VSTM2L: variants seen among roughly 807,000 people sequenced by gnomAD.
VSTM2L encodes the protein V-set and transmembrane domain-containing protein 2-like protein.
Under a neutral mutation model 19.9 loss-of-function variants are expected in VSTM2L, and 9 were observed. The ratio of observed to expected loss-of-function variants is 0.45; its 90% confidence interval spans 0.27 to 0.79. VSTM2L has a LOEUF of 0.79. Ranked by LOEUF, VSTM2L falls within the 30% of genes least tolerant of loss-of-function variation. The pLI is 0.15. For missense variants in VSTM2L, 286 were observed against 295.5 expected (o/e 0.97, Z 0.24); for synonymous variants, 127 against 133.8 (o/e 0.95, Z 0.35).
In VSTM2L at chr20:37,903,434, C is replaced by T. The variant is rs1404350565; in HGVS notation, c.84C>T (p.Ala28=). The T allele has an allele frequency of 1.1e-5, 16 of 1,487,252 alleles. No individual in the cohort carries two copies. Among genetic ancestry groups the T allele is most frequent in the Non-Finnish European group, 1.3e-5 (15 of 1,125,154 alleles). The allele number at this position is 1,487,252 out of a possible 1,614,324, so 92.1% of individuals were successfully genotyped here. ...FLQLGGATRP[A]GHAPWDNHVS... is the part of the protein sequence containing the mutation. ...AACTCGGCGGCGCCACGCGGCCCGC[C>T]GGCCACGCGCCCTGGGACAACCACG... The change falls in exon 1 of 4, where the codon GCC becomes GCT. Residue 28 remains alanine, a synonymous_variant. Transcript: ENST00000373461.
At chr20:37,931,483 A>C in intron 1 of VSTM2L, 152 bp from the exon 2 acceptor site, 1 of 819,914 alleles carries the variant, frequency 1.2e-6, no homozygotes, top group Non-Finnish European at 1.9e-6. Flanking sequence ...CTGAAGCCAG[A>C]CCACTCCCAC....
chr20:37,911,403 T>A (rs1166546058), intron 1 of VSTM2L, among the ~76,000 whole-genome samples: 1 of 152,160 alleles, frequency 6.6e-6, no homozygotes, highest in African/African-American at 2.4e-5. Flanking sequence ...GTGAGGAGAT[T>A]TCTGCCTTAT....
intron 1 of VSTM2L, among the ~76,000 whole-genome samples, chr20:37,931,072 A>G (rs1230792103): frequency 6.6e-6 from 1 of 152,156 alleles, no homozygotes; most frequent in Non-Finnish European, 1.5e-5. Context: ...GTGAGGCCAG[A>G]AAGGGAGGCG....
At position 37,923,535 on chromosome 20, in the gene VSTM2L, A is replaced by T. The variant is rs989082808; in HGVS notation, c.122-8100A>T. On this transcript the variant is annotated intron_variant, in intron 1 of 3. Coordinates refer to ENST00000373461, the MANE Select transcript of VSTM2L (RefSeq NM_080607.3). ...ATTGTCTTCCCAGCGAGCCCAGCCC[A>T]GCTCAGGCCCTGAGGCTGGAGAAGA... Among the ~76,000 whole-genome samples, 8 of 152,242 alleles carry T rather than the reference A, an allele frequency of 5.3e-5. No homozygotes were observed. The East Asian group carries it at 1.2e-3, about 22-fold the overall frequency.
At chr20:37,938,943 A>G (rs1244516998) in intron 3 of VSTM2L, among the ~76,000 whole-genome samples, 3 of 152,126 alleles carry the variant, frequency 2.0e-5, no homozygotes, top group East Asian at 3.9e-4. Flanking sequence ...GGGGCCTCGG[A>G]AAGACATGAG....
intron 2 of VSTM2L, among the ~76,000 whole-genome samples, chr20:37,933,003 G>A (rs1307838472): frequency 1.3e-5 from 2 of 152,228 alleles, no homozygotes; most frequent in African/African-American, 4.8e-5. Flanking sequence ...CCTGCCACAT[G>A]CAGGCTTAGA....
Position 37,944,169 on chromosome 20 carries a change from T to TCCCCCCCCCCCC in VSTM2L, c.534_535insCCCCCCCCCCCC (p.Pro178_Ala179insProProProPro). On this transcript the variant is annotated inframe_insertion, in exon 4 of 4. Transcript: ENST00000373461. ...CCGTCCTGCATCTGCCCGAAGCCCC[T>TCCCCCCCCCCCC]CCCGCCGCGCCCGCCCCGCCGCCCC... 2 of 1,542,494 alleles carry TCCCCCCCCCCCC rather than the reference T, an allele frequency of 1.3e-6. No homozygotes were observed. The highest frequency in any genetic ancestry group is 8.7e-7 in the Non-Finnish European group (1 of 1,142,994).
At chr20:37,911,894 G>GTGTGTGTGTGTGTGCA (rs754914621) in intron 1 of VSTM2L, among the ~76,000 whole-genome samples, 1 of 151,318 alleles carries the variant, frequency 6.6e-6, no homozygotes, top group Admixed American at 6.6e-5. Context: ...GTGCGTGTAT[G>GTGTGTGTGTGTGTGCA]TGTGTGTGTG....
chr20:37,939,375 G>A (rs961146669), intron 3 of VSTM2L, among the ~76,000 whole-genome samples: 22 of 151,944 alleles, frequency 1.4e-4, no homozygotes, highest in South Asian at 2.1e-4. Context: ...CCATGATCAC[G>A]CCAGGGCACT....
intron 1 of VSTM2L, among the ~76,000 whole-genome samples, chr20:37,927,319 T>C (rs1377858357): frequency 6.6e-6 from 1 of 152,256 alleles, no homozygotes; most frequent in Non-Finnish European, 1.5e-5. Flanking sequence ...TTGGCTTAAA[T>C]AAAATACATT....
At chr20:37,914,321 TGTGTGGG>T (rs2072799114) in intron 1 of VSTM2L, among the ~76,000 whole-genome samples, 1 of 150,486 alleles carries the variant, frequency 6.6e-6, no homozygotes, top group African/African-American at 2.4e-5. Context: ...TGTGTGTATG[TGTGTGGG>T]GTATGGGTGT....
chr20:37,928,463 T>C (rs2072890584), intron 1 of VSTM2L, among the ~76,000 whole-genome samples: 1 of 152,158 alleles, frequency 6.6e-6, no homozygotes, highest in Non-Finnish European at 1.5e-5. Context: ...CAAAAAGCAC[T>C]TATTGGCTGG....
chr20:37,937,339 C>A (rs2072946515), intron 3 of VSTM2L, among the ~76,000 whole-genome samples: 1 of 152,120 alleles, frequency 6.6e-6, no homozygotes, highest in Non-Finnish European at 1.5e-5. Flanking sequence ...AACTTGGGCC[C>A]AGGGAAGGAC....
At chr20:37,915,071 C>A (rs1434052168) in intron 1 of VSTM2L, among the ~76,000 whole-genome samples, 1 of 152,220 alleles carries the variant, frequency 6.6e-6, no homozygotes, top group Non-Finnish European at 1.5e-5. Flanking sequence ...GGGAAAGGGT[C>A]CCTAATGGAG....
intron 1 of VSTM2L, among the ~76,000 whole-genome samples, chr20:37,911,613 G>A (rs577757164): frequency 4.6e-5 from 7 of 152,342 alleles, no homozygotes; most frequent in African/African-American, 1.4e-4. Flanking sequence ...GTGTTGAGGC[G>A]TGGGGGACAG....
At chr20:37,940,211 G>A (rs561770534) in intron 3 of VSTM2L, among the ~76,000 whole-genome samples, 91 of 152,332 alleles carry the variant, frequency 6.0e-4, no homozygotes, top group African/African-American at 2.0e-3. Context: ...CTCCTAACTC[G>A]CCAGAGAGAG....
At chr20:37,919,540 G>A (rs886951097) in intron 1 of VSTM2L, among the ~76,000 whole-genome samples, 2 of 152,246 alleles carry the variant, frequency 1.3e-5, no homozygotes, top group African/African-American at 2.4e-5. Flanking sequence ...ATTTACAGGC[G>A]GTTGGGCTGG....
intron 1 of VSTM2L, among the ~76,000 whole-genome samples, chr20:37,927,299 T>C (rs1444327800): frequency 2.0e-5 from 3 of 152,236 alleles, no homozygotes; most frequent in Admixed American, 6.5e-5. Flanking sequence ...TCAAATAATT[T>C]TTTGATATCT....
rs2072990704 is a variant in VSTM2L, at chr20:37,944,027, C to G, written c.389C>G (p.Ser130Cys). The G allele has an allele frequency of 1.9e-6, 3 of 1,607,876 alleles. No individual in the cohort carries two copies. Among genetic ancestry groups the G allele is most frequent in the Non-Finnish European group, 2.6e-6 (3 of 1,175,578 alleles). Residue 130 changes from serine to cysteine, a missense_variant, in exon 4 of 4, where the codon TCC (serine) becomes TGC (cysteine). Ser to Cys is a moderately radical substitution (Grantham distance 112, BLOSUM62 -1). Transcript: ENST00000373461. The part of the protein sequence containing the change: ...GSNISHKLRL[S>C]RVKPTDEGTY... ...AACATCTCCCACAAGCTGCGCCTGT[C>G]CCGGGTGAAGCCCACGGACGAAGGC...
Sources: gnomAD v4.1 joint callset for allele counts (sites outside exome capture counted in the v4.1 genomes callset) on GRCh38, gnomAD v4.1.1 for gene constraint, MANE v1.5 for transcripts, NCBI Gene and HGNC (gene_info 2026-07-23, HGNC 2026-07-21) for gene names.